The following PPP6R3 variants were observed in gnomAD, a reference collection of about 807,000 sequenced individuals.
The protein encoded by PPP6R3 is protein phosphatase 6 regulatory subunit 3.
In PPP6R3, 38 loss-of-function variants were observed where a neutral mutation model predicts 110.7. The ratio of observed to expected loss-of-function variants is 0.34; its 90% CI spans 0.26 to 0.45. The LOEUF is 0.45. Ranked by LOEUF, PPP6R3 falls within the 20% of genes least tolerant of loss-of-function variation. The pLI, the probability that PPP6R3 is intolerant of heterozygous loss-of-function variation, is 1.00. For synonymous variants in PPP6R3, 369 were observed against 373.5 expected (o/e 0.99, Z 0.14); for missense variants, 870 against 1,062.4 (o/e 0.82, Z 2.52).
chr11:68,476,392 C>T (rs965922103), intron 1 of PPP6R3, among the ~76,000 whole-genome samples: 3 of 136,818 alleles, frequency 2.2e-5, no homozygotes, highest in African/African-American at 8.1e-5. Context: ...AGGGAGGTTG[C>T]AGTAAGCCGA....
At chr11:68,482,110 G>A (rs542880601) in intron 1 of PPP6R3, among the ~76,000 whole-genome samples, 1 of 151,558 alleles carries the variant, frequency 6.6e-6, no homozygotes, top group South Asian at 2.1e-4. Flanking sequence ...CGGGTGCAGT[G>A]GCTCATGCCT....
At chr11:68,590,133 C>T (rs2099590655) in intron 16 of PPP6R3, among the ~76,000 whole-genome samples, 2 of 152,192 alleles carry the variant, frequency 1.3e-5, no homozygotes, top group Non-Finnish European at 2.9e-5. Flanking sequence ...CATAAGATAG[C>T]CCCTCCTCTT....
intron 5 of PPP6R3, among the ~76,000 whole-genome samples, chr11:68,550,169 G>A (rs7931107): frequency 0.055 from 8,433 of 152,270 alleles, 248 homozygotes; most frequent in Middle Eastern, 0.13. Flanking sequence ...CGGAGAATTT[G>A]TGTGCACATT....
intron 1 of PPP6R3, among the ~76,000 whole-genome samples, chr11:68,501,430 G>A (rs1198465773): frequency 6.6e-6 from 1 of 152,216 alleles, no homozygotes; most frequent in Non-Finnish European, 1.5e-5. Context: ...AGGTTCAAAT[G>A]ATTCTCGTGC....
At chr11:68,469,950 C>T (rs1176646250) in intron 1 of PPP6R3, among the ~76,000 whole-genome samples, 3 of 152,162 alleles carry the variant, frequency 2.0e-5, no homozygotes, top group Non-Finnish European at 2.9e-5. Flanking sequence ...TATAATGTGA[C>T]TTCATTTTTG....
At chr11:68,573,139 TATATATATATATATAA>T (rs1358393657) in intron 12 of PPP6R3, among the ~76,000 whole-genome samples, 1 of 103,580 alleles carries the variant, frequency 9.7e-6, no homozygotes, top group Non-Finnish European at 2.0e-5. Flanking sequence ...TATATATATA[TATATATATATATATAA>T]TTTTTTTTTT....
At chr11:68,524,356 G>A (rs954221308) in intron 2 of PPP6R3, among the ~76,000 whole-genome samples, 5 of 152,014 alleles carry the variant, frequency 3.3e-5, no homozygotes, top group African/African-American at 9.7e-5. Flanking sequence ...TGCTGTCCTG[G>A]CCATCTCTTT....
intron 1 of PPP6R3, among the ~76,000 whole-genome samples, chr11:68,507,824 C>A (rs1449143757): frequency 6.6e-6 from 1 of 152,112 alleles, no homozygotes; most frequent in Non-Finnish European, 1.5e-5. Flanking sequence ...TATGTGCTCT[C>A]AGGAGAAAAT....
At chr11:68,533,103 C>T (rs925084725) in intron 2 of PPP6R3, among the ~76,000 whole-genome samples, 1 of 152,158 alleles carries the variant, frequency 6.6e-6, no homozygotes, top group African/African-American at 2.4e-5. Context: ...TTAAAGGACT[C>T]CATTTTACCT....
intron 1 of PPP6R3, among the ~76,000 whole-genome samples, chr11:68,518,740 T>G (rs1360887831): frequency 6.6e-6 from 1 of 152,218 alleles, no homozygotes; most frequent in African/African-American, 2.4e-5. Context: ...TTATCTTACT[T>G]GAGGGAAAAT....
Position 68,615,185 on chromosome 11 carries a change from C to G in PPP6R3, c.*2068C>G, listed in dbSNP as rs1945037743. 4.6e-6 allele frequency: 2 copies of G among 438,254 alleles called. No individual in the cohort carries two copies. Among genetic ancestry groups the G allele is most frequent in the African/African-American group, 2.0e-5 (1 of 49,506 alleles). 27.1% of individuals were successfully genotyped at this position (438,254 alleles called of 1,614,324 possible). A position where few individuals can be genotyped will look rare whatever the true frequency, so the allele number is the denominator to read the frequency against. ...TCTTTTGGAGGTTGGAGGGGCCAAG[C>G]CAAGGACAGGAGCAAGTGTGCCCTC... On this transcript the variant is annotated 3_prime_UTR_variant, in exon 24 of 24. Coordinates refer to ENST00000393800, the MANE Select transcript of PPP6R3 (RefSeq NM_001164161.2).
At chr11:68,567,260 AGT>A in intron 10 of PPP6R3, 94 bp downstream of exon 10, 1 of 1,307,450 alleles carries the variant, frequency 7.6e-7, no homozygotes, top group Non-Finnish European at 1.0e-6. Flanking sequence ...ACATTATGTC[AGT>A]GACTTTTCTT....
chr11:68,464,050 T>G (rs2153222862), intron 1 of PPP6R3, among the ~76,000 whole-genome samples: 1 of 152,326 alleles, frequency 6.6e-6, no homozygotes, highest in Middle Eastern at 3.4e-3. Context: ...TGGCCTACAT[T>G]AGAATAAGCC....
At chr11:68,533,806 G>A (rs1206025487) in intron 2 of PPP6R3, among the ~76,000 whole-genome samples, 2 of 151,364 alleles carry the variant, frequency 1.3e-5, no homozygotes, top group Non-Finnish European at 2.9e-5. Flanking sequence ...TAAAATCAGC[G>A]TAGTAAACCC....
intron 14 of PPP6R3, among the ~76,000 whole-genome samples, chr11:68,579,995 G>A (rs914195001): frequency 3.9e-5 from 6 of 152,258 alleles, no homozygotes; most frequent in African/African-American, 1.4e-4. Flanking sequence ...GCGTGTTTCA[G>A]ATGGTAAGTG....
chr11:68,501,421 G>A (rs1489708419), intron 1 of PPP6R3, among the ~76,000 whole-genome samples: 1 of 152,208 alleles, frequency 6.6e-6, no homozygotes, highest in Non-Finnish European at 1.5e-5. Context: ...CTGCTTCCCA[G>A]GTTCAAATGA....
intron 1 of PPP6R3, among the ~76,000 whole-genome samples, chr11:68,461,494 T>TGG (rs61434771): frequency 1.2e-5 from 1 of 83,290 alleles, no homozygotes; most frequent in African/African-American, 4.6e-5. Context: ...GAGCCGGGGG[T>TGG]GGGGGGGGTG....
At chr11:68,477,741 A>ATATATATATATATATATATATAT (rs1555021448) in intron 1 of PPP6R3, among the ~76,000 whole-genome samples, 7 of 57,904 alleles carry the variant, frequency 1.2e-4, no homozygotes, top group Admixed American at 2.0e-4. Context: ...AAAAAAAAAA[A>ATATATATATATATATATATATAT]ATATATATAT....
chr11:68,491,152 A>T (rs1424566346), intron 1 of PPP6R3, among the ~76,000 whole-genome samples: 1 of 151,842 alleles, frequency 6.6e-6, no homozygotes. Context: ...GTGTCACTGC[A>T]CTCCAGCCTG....
Sources: allele counts gnomAD v4.1 joint callset (sites outside exome capture counted in the v4.1 genomes callset), GRCh38; gene constraint gnomAD v4.1.1; transcripts MANE v1.5; gene names NCBI Gene and HGNC (gene_info 2026-07-23, HGNC 2026-07-21).